The following OSBPL3 variants were observed in gnomAD, a reference collection of about 807,000 sequenced individuals.
The protein encoded by OSBPL3 is oxysterol binding protein like 3, also known as oxysterol-binding protein-related protein 3.
A neutral mutation model predicts 120.1 loss-of-function variants in OSBPL3; 65 were observed. The ratio of observed to expected loss-of-function variants is 0.54; its 90% CI spans 0.44 to 0.67. The LOEUF is 0.67. Ranked by LOEUF, OSBPL3 falls within the 30% of genes least tolerant of loss-of-function variation. The pLI is 0.00. For missense variants in OSBPL3, 1,004 were observed against 1,082.1 expected (o/e 0.93, Z 1.01); for synonymous variants, 416 against 402.6 (o/e 1.03, Z -0.40).
chr7:24,906,320 A>G, intron 1 of OSBPL3: 1 of 250,540 alleles, frequency 4.0e-6, no homozygotes. Flanking sequence ...TAGGAGGTGC[A>G]GGCATCATAC....
At chr7:24,809,981 C>A in intron 19 of OSBPL3, 30 bp from the exon 20 acceptor site, 1 of 1,612,484 alleles carries the variant, frequency 6.2e-7, no homozygotes. Flanking sequence ...TTGGCTTAGT[C>A]CTTTAGCATC....
At chr7:24,970,600 T>C (rs1361677691) in intron 1 of OSBPL3, among the ~76,000 whole-genome samples, 1 of 151,246 alleles carries the variant, frequency 6.6e-6, no homozygotes, top group African/African-American at 2.4e-5. Context: ...AAAAACACAA[T>C]TGTAGAGAGA....
intron 12 of OSBPL3, among the ~76,000 whole-genome samples, 182 bp downstream of exon 12, chr7:24,848,887 A>C (rs1311175306): frequency 1.3e-5 from 2 of 152,236 alleles, no homozygotes; most frequent in African/African-American, 2.4e-5. Flanking sequence ...GCATACGCTC[A>C]AGAAAGCGTT....
Position 24,833,966 on chromosome 7 carries a change from G to A in OSBPL3, c.1746+520C>T, listed in dbSNP as rs1796687908. 2 of 310,714 alleles carry A rather than the reference G, an allele frequency of 6.4e-6. No homozygotes were observed. Among genetic ancestry groups the A allele is most frequent in the Middle Eastern group, 1.7e-3 (1 of 588 alleles). 19.2% of individuals were successfully genotyped at this position (310,714 alleles called of 1,614,324 possible). A position where few individuals can be genotyped will look rare whatever the true frequency, so the allele number is the denominator to read the frequency against. On this transcript the variant is annotated intron_variant, in intron 15 of 22. Transcript: ENST00000313367. This position sits in a 1 kb window ranked among gnomAD's most constrained non-coding sequence, Gnocchi z 4.4. ...TAAGTACTCTATAAAATAAGAGGGA[G>A]AGAGAAAAAAAGAATATTTCTGATG... is the stretch of plus-strand genomic sequence containing the variant.
intron 2 of OSBPL3, among the ~76,000 whole-genome samples, chr7:24,887,570 G>A (rs979022072): frequency 2.6e-5 from 4 of 152,204 alleles, no homozygotes; most frequent in African/African-American, 9.7e-5. Context: ...CAGGAGTTGA[G>A]TTTTCCTCCA....
rs1562755373 is a variant in OSBPL3, at chr7:24,808,941, A to G, written c.2317+866T>C. Reference sequence around the variant, plus strand: ...GTATGCTGTCATGCAGGGGTATGACACTGAATGGTAACAACCATTTTGCAT... The same window carrying G: ...GTATGCTGTCATGCAGGGGTATGACGCTGAATGGTAACAACCATTTTGCAT... On this transcript the variant is annotated intron_variant, in intron 20 of 22. Transcript: ENST00000313367. This position sits in a 1 kb window ranked among gnomAD's most constrained non-coding sequence, Gnocchi z 4.6. Among the ~76,000 whole-genome samples the G allele has an allele frequency of 2.0e-5, 3 of 152,152 alleles. No homozygotes were observed. The South Asian group carries it at 6.2e-4, about 32-fold the overall frequency.
intron 22 of OSBPL3, among the ~76,000 whole-genome samples, chr7:24,801,466 C>CGT (rs113246612): frequency 1.1e-4 from 17 of 151,522 alleles, no homozygotes; most frequent in African/African-American, 2.2e-4. Context: ...AGGGAAATTC[C>CGT]GTGTGTGTGT....
At chr7:24,825,912 A>T (rs561844633) in intron 16 of OSBPL3, among the ~76,000 whole-genome samples, 1 of 152,378 alleles carries the variant, frequency 6.6e-6, no homozygotes, top group South Asian at 2.1e-4. Flanking sequence ...AAGGGTATGC[A>T]GGTGGGTGGG....
intron 1 of OSBPL3, among the ~76,000 whole-genome samples, chr7:24,903,243 C>T (rs1329646509): frequency 6.6e-6 from 1 of 152,174 alleles, no homozygotes; most frequent in Non-Finnish European, 1.5e-5. Flanking sequence ...CACAGACATC[C>T]TTAGAACAAG....
upstream of OSBPL3, chr7:24,980,191 C>A (rs995674110): frequency 1.1e-5 from 4 of 354,072 alleles, no homozygotes; most frequent in Non-Finnish European, 1.6e-5. Context: ...CGCGCGCCGC[C>A]CGGCGATTAG....
intron 1 of OSBPL3, among the ~76,000 whole-genome samples, chr7:24,914,259 C>T (rs1174942723): frequency 6.6e-6 from 1 of 151,768 alleles, no homozygotes; most frequent in African/African-American, 2.4e-5. Flanking sequence ...CCAGAGCCAG[C>T]CATTGGACAG....
intron 20 of OSBPL3, among the ~76,000 whole-genome samples, chr7:24,809,061 C>A (rs1043400252): frequency 4.6e-5 from 7 of 152,062 alleles, no homozygotes; most frequent in Non-Finnish European, 1.0e-4. Flanking sequence ...TATGTAACAA[C>A]CCTGGAGCCA....
At chr7:24,878,475 A>G (rs17150395) in intron 2 of OSBPL3, among the ~76,000 whole-genome samples, 3,458 of 152,318 alleles carry the variant, frequency 0.023, 134 homozygotes, top group African/African-American at 0.079. Flanking sequence ...AAGATCTTCC[A>G]CGGCCTATTA....
At position 24,966,110 on chromosome 7, in the gene OSBPL3, C is replaced by A. The variant is rs959001502; in HGVS notation, c.-150+13776G>T. ...TGTGGGAGGTCCATGACTTGCTAAA[C>A]CTCAGCCTGAGTTAACTAGCTACAG... On this transcript the variant is annotated intron_variant, in intron 1 of 22. Transcript: ENST00000313367. The surrounding 1 kb of genome is among the most constrained non-coding windows in gnomAD (Gnocchi z 4.8). 6.6e-6 allele frequency among the ~76,000 whole-genome samples: 1 copy of A among 152,236 alleles called. No homozygotes were observed. Among genetic ancestry groups the A allele is most frequent in the Non-Finnish European group, 1.5e-5 (1 of 68,042 alleles).
At position 24,899,029 on chromosome 7, in the gene OSBPL3, C is replaced by A. The variant is rs1806592566; in HGVS notation, c.-149-6408G>T. ...AGACAGAACTTTTTTTTAACCATAACCTGCACTGAAACCACCACCATCCCC... is the reference window on the plus strand; with the variant it reads ...AGACAGAACTTTTTTTTAACCATAAACTGCACTGAAACCACCACCATCCCC... On this transcript the variant is annotated intron_variant, in intron 1 of 22. Coordinates refer to ENST00000313367, the MANE Select transcript of OSBPL3 (RefSeq NM_015550.4). The surrounding 1 kb of genome is among the most constrained non-coding windows in gnomAD (Gnocchi z 4.0). Among the ~76,000 whole-genome samples, 1 of 152,128 alleles carries A rather than the reference C, an allele frequency of 6.6e-6. No individual in the cohort carries two copies. Among genetic ancestry groups the A allele is most frequent in the African/African-American group, 2.4e-5 (1 of 41,422 alleles).
Position 24,815,631 on chromosome 7 carries a change from C to T in OSBPL3, c.2028-428G>A, listed in dbSNP as rs760642578. On this transcript the variant is annotated intron_variant, in intron 18 of 22. Transcript: ENST00000313367. This position sits in a 1 kb window ranked among gnomAD's most constrained non-coding sequence, Gnocchi z 5.1. ...GCATCCTTTGTGATGAGAAAGTATT[C>T]AGATATTACTTATGGAATTCAATAA... Among the ~76,000 whole-genome samples the T allele has an allele frequency of 2.0e-4, 31 of 152,170 alleles. No homozygotes were observed. The highest frequency in any genetic ancestry group is 3.2e-4 in the Non-Finnish European group (22 of 68,016).
chr7:24,956,078 C>T lies in OSBPL3; in HGVS notation c.-150+23808G>A, dbSNP rs182231826. 9.0e-4 allele frequency among the ~76,000 whole-genome samples: 137 copies of T among 152,368 alleles called. 4 individuals carry two copies. Among genetic ancestry groups the T allele is most frequent in the African/African-American group, 2.1e-3 (88 of 41,584 alleles). ...CCATCAGGTCCTGGATCAGTCTCCA[C>T]GGAAAATACTCACTGACTCCTCCCA... On this transcript the variant is annotated intron_variant, in intron 1 of 22. Transcript: ENST00000313367.
chr7:24,889,677 A>G (rs1056168050), intron 2 of OSBPL3, among the ~76,000 whole-genome samples: 1 of 152,236 alleles, frequency 6.6e-6, no homozygotes, highest in Non-Finnish European at 1.5e-5. Context: ...TGTGAAGTAT[A>G]CTGTAGACAA....
rs1023317865 is a variant in OSBPL3 at position 24,894,913 on chromosome 7, A to G, written c.-149-2292T>C. Among the ~76,000 whole-genome samples the G allele has an allele frequency of 6.6e-6, 1 of 152,180 alleles. No homozygotes were observed. The highest frequency in any genetic ancestry group is 2.4e-5 in the African/African-American group (1 of 41,434). ...GCCAGGACTTAGTAGGCCAAATCCA[A>G]TAGCTATCAAAGTTGGCACTTAGAG... On this transcript the variant is annotated intron_variant, in intron 1 of 22. Transcript: ENST00000313367. This position sits in a 1 kb window ranked among gnomAD's most constrained non-coding sequence, Gnocchi z 4.1.
Sources: allele counts gnomAD v4.1 joint callset (sites outside exome capture counted in the v4.1 genomes callset), GRCh38; gene constraint gnomAD v4.1.1; non-coding constraint Gnocchi (gnomAD v3.1); transcripts MANE v1.5; gene names NCBI Gene and HGNC (gene_info 2026-07-23, HGNC 2026-07-21).